The following GBE1 variants were observed in gnomAD, a reference collection of about 807,000 sequenced individuals.
GBE1 encodes 1,4-alpha-glucan branching enzyme 1.
Under a neutral mutation model 88.8 loss-of-function variants are expected in GBE1, and 70 were observed. The ratio of observed to expected loss-of-function variants is 0.79; its 90% confidence interval spans 0.65 to 0.96. GBE1 has a LOEUF of 0.96. GBE1 is among the 40% of genes least tolerant of loss of function. GBE1 has a pLI of 0.00. For missense variants in GBE1, 872 were observed against 871.0 expected (o/e 1.00, Z -0.01); for synonymous variants, 284 against 300.1 (o/e 0.95, Z 0.56).
chr3:81,761,282 G>C lies in GBE1; in HGVS notation c.143+93C>G, dbSNP rs1170504073. On this transcript the variant is annotated intron_variant, in intron 1 of 15. Transcript: ENST00000429644. ...TTCCTCCCCGCCTGGGGCGGGGTTG[G>C]CGCGCGAGGGCCGAGGGGCGGCCCG... 4 of 1,472,582 alleles carry C rather than the reference G, an allele frequency of 2.7e-6. No homozygotes were observed. In the African/African-American group the frequency reaches 4.4e-5, roughly 16 times the overall value. The allele number at this position is 1,472,582 out of a possible 1,614,324, so 91.2% of individuals were successfully genotyped here.
In GBE1 at chr3:81,761,429, C is replaced by T. The variant is rs756372773; in HGVS notation, c.89G>A (p.Arg30Lys). 4 of 1,613,708 alleles carry T rather than the reference C, an allele frequency of 2.5e-6. No homozygotes were observed. Among genetic ancestry groups the T allele is most frequent in the South Asian group, 1.1e-5 (1 of 91,086 alleles). The stretch of plus-strand genomic sequence containing the variant: ...CAAGTACGGGTCGATCTCCAGGAGT[C>T]TGGCCAGTTCGGGCACGTCAGCCAG... The part of the protein sequence containing the change: ...AALADVPELA[R>K]LLEIDPYLKP... Residue 30 changes from arginine to lysine, a missense_variant, in exon 1 of 16, where the codon AGA becomes AAA. Coordinates refer to ENST00000429644, the MANE Select transcript of GBE1 (RefSeq NM_000158.4).
chr3:81,735,869 T>C (rs1706251365), intron 1 of GBE1, among the ~76,000 whole-genome samples: 1 of 152,052 alleles, frequency 6.6e-6, no homozygotes, highest in Non-Finnish European at 1.5e-5. Context: ...GTTATAGAGA[T>C]CAAGTAAAAA....
chr3:81,710,232 C>CTTTTTTTTTTTTTTTTTTTTTT (rs397990331), intron 1 of GBE1, among the ~76,000 whole-genome samples: 4 of 93,206 alleles, frequency 4.3e-5, no homozygotes, highest in Non-Finnish European at 3.8e-5. Context: ...GGTAATTAAT[C>CTTTTTTTTTTTTTTTTTTTTTT]TTTTTTTTTT....
At chr3:81,564,208 T>A (rs1029540282) in intron 12 of GBE1, among the ~76,000 whole-genome samples, 1 of 152,130 alleles carries the variant, frequency 6.6e-6, no homozygotes, top group Non-Finnish European at 1.5e-5. Context: ...CATCCTCACA[T>A]GGACATTGCC....
chr3:81,642,531 AT>A, intron 7 of GBE1: 1 of 313,628 alleles, frequency 3.2e-6, no homozygotes, highest in Non-Finnish European at 5.8e-6. Flanking sequence ...TCACAGTAAA[AT>A]TTTTAAATGA....
chr3:81,630,729 C>T (rs1362883723), intron 7 of GBE1, among the ~76,000 whole-genome samples: 2 of 152,098 alleles, frequency 1.3e-5, no homozygotes, highest in African/African-American at 2.4e-5. Flanking sequence ...CTCTAAAATA[C>T]GTCAAATACC....
chr3:81,691,034 G>T (rs1248155495), intron 2 of GBE1, among the ~76,000 whole-genome samples: 1 of 151,846 alleles, frequency 6.6e-6, no homozygotes, highest in Non-Finnish European at 1.5e-5. Context: ...TACACAGGAA[G>T]CTCTTCCTAT....
At chr3:81,500,194 A>G (rs1702570328) in intron 14 of GBE1, among the ~76,000 whole-genome samples, 1 of 152,152 alleles carries the variant, frequency 6.6e-6, no homozygotes, top group South Asian at 2.1e-4. Flanking sequence ...ATTTTAGTCA[A>G]TCCAGGTCAG....
chr3:81,724,941 G>A (rs865926226), intron 1 of GBE1, among the ~76,000 whole-genome samples: 16 of 152,050 alleles, frequency 1.1e-4, no homozygotes, highest in Admixed American at 6.6e-4. Flanking sequence ...GCTATTTGTC[G>A]AAATCAAGAT....
rs767267597 is a variant in GBE1, at chr3:81,642,964, T to A, written c.809A>T (p.Gln270Leu). Residue 270 changes from glutamine to leucine, a missense_variant, in exon 7 of 16, where the codon CAA becomes CTA. By Grantham distance (113) the Gln-to-Leu change is moderately radical (BLOSUM62 -2). Transcript: ENST00000429644. ...GGAATGAGCTGTGTCTACCAGTTCT[T>A]GTAGCTCTTCAGGTGTTCCATAACG... ...SSRYGTPEEL[Q>L]ELVDTAHSMG... 5 of 1,611,608 alleles carry A rather than the reference T, an allele frequency of 3.1e-6. No individual in the cohort carries two copies. The Admixed American group carries it at 8.4e-5, about 27-fold the overall frequency.
At chr3:81,579,282 A>T (rs937191716) in intron 11 of GBE1, among the ~76,000 whole-genome samples, 4 of 152,030 alleles carry the variant, frequency 2.6e-5, no homozygotes, top group Non-Finnish European at 4.4e-5. Flanking sequence ...ATGTATTCAT[A>T]TACATTTATA....
In GBE1 at chr3:81,693,233, CA is replaced by C. The variant is rs139671883; in HGVS notation, c.313+12210del. Among the ~76,000 whole-genome samples, 12 of 151,238 alleles carry C rather than the reference CA, an allele frequency of 7.9e-5. No individual in the cohort carries two copies. In the East Asian group the frequency reaches 9.7e-4, roughly 12 times the overall value. On this transcript the variant is annotated intron_variant, in intron 2 of 15. Coordinates refer to ENST00000429644, the MANE Select transcript of GBE1 (RefSeq NM_000158.4). The stretch of plus-strand genomic sequence containing the variant: ...TAAAAATAAACACATAAAATATTAC[CA>C]AAAAAAATATGCAATCAAACACGAT...
chr3:81,561,823 T>G (rs1228947557), intron 12 of GBE1, among the ~76,000 whole-genome samples: 2 of 152,056 alleles, frequency 1.3e-5, no homozygotes, highest in African/African-American at 2.4e-5. Context: ...AGTAAGGCCC[T>G]CATTCTGTTT....
intron 14 of GBE1, among the ~76,000 whole-genome samples, chr3:81,502,644 T>C (rs761720061): frequency 6.6e-6 from 1 of 152,206 alleles, no homozygotes; most frequent in Non-Finnish European, 1.5e-5. Flanking sequence ...GGAATACTGC[T>C]TAGAATTAGA....
At chr3:81,548,760 T>C (rs1703238436) in intron 12 of GBE1, among the ~76,000 whole-genome samples, 2 of 150,792 alleles carry the variant, frequency 1.3e-5, no homozygotes, top group Non-Finnish European at 3.0e-5. Context: ...CATTAAGGAC[T>C]CTCATGGAGA....
intron 1 of GBE1, among the ~76,000 whole-genome samples, chr3:81,750,597 A>ATG (rs1706497846): frequency 2.5e-5 from 1 of 39,758 alleles, no homozygotes; most frequent in African/African-American, 1.1e-4. Flanking sequence ...ACGTATATAT[A>ATG]TATGTGTATA....
At chr3:81,745,425 G>C (rs1706407816) in intron 1 of GBE1, among the ~76,000 whole-genome samples, 1 of 152,074 alleles carries the variant, frequency 6.6e-6, no homozygotes, top group Non-Finnish European at 1.5e-5. Flanking sequence ...ACCTACTACT[G>C]AAAGTATCCT....
intron 1 of GBE1, among the ~76,000 whole-genome samples, chr3:81,725,980 C>T (rs990122455): frequency 3.3e-5 from 5 of 152,064 alleles, no homozygotes; most frequent in Non-Finnish European, 7.4e-5. Context: ...GGGCACCCAA[C>T]AAAGTGATGC....
At chr3:81,567,698 C>G (rs1489567007) in intron 12 of GBE1, among the ~76,000 whole-genome samples, 2 of 152,178 alleles carry the variant, frequency 1.3e-5, no homozygotes, top group African/African-American at 4.8e-5. Context: ...AAATCTACCT[C>G]CAAAATTATA....
Sources: allele counts gnomAD v4.1 joint callset (sites outside exome capture counted in the v4.1 genomes callset), GRCh38; gene constraint gnomAD v4.1.1; transcripts MANE v1.5; gene names NCBI Gene and HGNC (gene_info 2026-07-23, HGNC 2026-07-21).